The following RNF19A variants were observed in gnomAD, a reference collection of about 807,000 sequenced individuals.
The protein encoded by RNF19A is ring finger protein 19A, RBR E3 ubiquitin protein ligase.
Under a neutral mutation model 75.7 loss-of-function variants are expected in RNF19A, and 32 were observed. That is an observed-to-expected ratio of 0.42 (90% CI 0.32 to 0.57). The LOEUF (loss-of-function observed/expected upper bound fraction) is 0.57, where lower values mean the gene tolerates loss of function less well. Ranked by LOEUF, RNF19A falls within the 20% of genes least tolerant of loss-of-function variation. RNF19A has a pLI of 0.10. For missense variants in RNF19A, 782 were observed against 1,036.3 expected (o/e 0.75, Z 3.37); for synonymous variants, 335 against 345.2 (o/e 0.97, Z 0.33).
chr8:100,257,185 A>C lies in RNF19A; in HGVS notation c.*1371T>G, dbSNP rs2132465682. 6.5e-6 allele frequency: 1 copy of C among 152,786 alleles called. No individual in the cohort carries two copies. Among genetic ancestry groups the C allele is most frequent in the African/African-American group, 2.4e-5 (1 of 41,574 alleles). The allele number at this position is 152,786 out of a possible 1,614,324, so 9.5% of individuals were successfully genotyped here. A position where few individuals can be genotyped will look rare whatever the true frequency, so the allele number is the denominator to read the frequency against. ...ATTATCAAATAAAATAACTGGCACTAGTGTTATAAGCATATTAATGGACCT... is the reference window on the plus strand; with the variant it reads ...ATTATCAAATAAAATAACTGGCACTCGTGTTATAAGCATATTAATGGACCT... On this transcript the variant is annotated 3_prime_UTR_variant, in exon 10 of 10. Coordinates refer to ENST00000341084, the MANE Select transcript of RNF19A (RefSeq NM_183419.4).
Position 100,331,776 on chromosome 8 carries a change from T to A in RNF19A, c.-243+4332A>T, listed in dbSNP as rs1005475022. Reference sequence around the variant, plus strand: ...GCAGACAACTATTATCCGTTTCATATGTATTGATCAAAAGCAAGTCTGTGC... The same window carrying A: ...GCAGACAACTATTATCCGTTTCATAAGTATTGATCAAAAGCAAGTCTGTGC... On this transcript the variant is annotated intron_variant, in intron 1 of 3. Coordinates refer to the RNF19A transcript ENST00000519527. This position sits in a 1 kb window ranked among gnomAD's most constrained non-coding sequence, Gnocchi z 5.2. 1.3e-5 allele frequency among the ~76,000 whole-genome samples: 2 copies of A among 152,236 alleles called. No individual in the cohort carries two copies. The highest frequency in any genetic ancestry group is 2.9e-5 in the Non-Finnish European group (2 of 68,044).
At chr8:100,335,876 C>G (rs999804895) in intron 1 of RNF19A, among the ~76,000 whole-genome samples, 2 of 152,320 alleles carry the variant, frequency 1.3e-5, no homozygotes, top group Non-Finnish European at 2.9e-5. Flanking sequence ...CCCTCAGCCA[C>G]GGCTGATTGG....
chr8:100,262,199 TAAG>T (rs1347919754), intron 7 of RNF19A, among the ~76,000 whole-genome samples: 2 of 152,308 alleles, frequency 1.3e-5, no homozygotes, highest in East Asian at 1.9e-4. Flanking sequence ...CATTTTGTAT[TAAG>T]GAGTCACTTA....
In RNF19A at chr8:100,287,341, C is replaced by T. The variant is rs762010287; in HGVS notation, c.674+160G>A. 9.9e-5 allele frequency among the ~76,000 whole-genome samples: 15 copies of T among 152,130 alleles called. No individual in the cohort carries two copies. Among genetic ancestry groups the T allele is most frequent in the Non-Finnish European group, 1.8e-4 (12 of 68,024 alleles). On this transcript the variant is annotated intron_variant, in intron 2 of 9. Coordinates refer to ENST00000341084, the MANE Select transcript of RNF19A (RefSeq NM_183419.4). The surrounding 1 kb of genome is among the most constrained non-coding windows in gnomAD (Gnocchi z 4.1). ...AGAAATGAGTAAGATAGGATCACTGCCTTTAACACCTAGCATAGTGCCTGA... is the reference window on the plus strand; with the variant it reads ...AGAAATGAGTAAGATAGGATCACTGTCTTTAACACCTAGCATAGTGCCTGA...
Position 100,258,515 on chromosome 8 carries a change from C to G in RNF19A, c.*41G>C, listed in dbSNP as rs1216937887. 1.3e-6 allele frequency: 2 copies of G among 1,499,348 alleles called. No individual in the cohort carries two copies. The highest frequency in any genetic ancestry group is 2.6e-5 in the South Asian group (2 of 76,964). The allele number at this position is 1,499,348 out of a possible 1,614,324, so 92.9% of individuals were successfully genotyped here. On this transcript the variant is annotated 3_prime_UTR_variant, in exon 10 of 10. Coordinates refer to ENST00000341084, the MANE Select transcript of RNF19A (RefSeq NM_183419.4). The surrounding 1 kb of genome is among the most constrained non-coding windows in gnomAD (Gnocchi z 4.3). ...CACATGTAGTTCAACCAGCTCCAAA[C>G]ACGGTTGTACAGTGGTAATTATTCT...
At chr8:100,276,723 C>CAAAAAAAA (rs60419107) in intron 2 of RNF19A, among the ~76,000 whole-genome samples, 60 of 80,360 alleles carry the variant, frequency 7.5e-4, no homozygotes, top group East Asian at 1.0e-3. Context: ...ACCACTGTAC[C>CAAAAAAAA]AAAAAAAAAA....
intron 1 of RNF19A, among the ~76,000 whole-genome samples, chr8:100,299,763 T>G (rs191785714): frequency 1.9e-4 from 29 of 149,136 alleles, no homozygotes; most frequent in African/African-American, 6.7e-4. Context: ...TGTCTCAAAA[T>G]AAAAAAAAGA....
chr8:100,291,978 T>C (rs1202708844), intron 1 of RNF19A, among the ~76,000 whole-genome samples: 3 of 150,490 alleles, frequency 2.0e-5, no homozygotes, highest in African/African-American at 7.3e-5. Context: ...TTTTTTTTTT[T>C]TTTTTTTTTT....
chr8:100,272,586 A>G (rs141977642), intron 3 of RNF19A, among the ~76,000 whole-genome samples: 2 of 151,566 alleles, frequency 1.3e-5, no homozygotes, highest in East Asian at 3.9e-4. Context: ...CGCTCAGGCT[A>G]GCATGCAGTA....
At chr8:100,279,733 G>A (rs927151431) in intron 2 of RNF19A, among the ~76,000 whole-genome samples, 10 of 152,048 alleles carry the variant, frequency 6.6e-5, no homozygotes, top group Admixed American at 1.3e-4. Flanking sequence ...TGCCATGTTG[G>A]CTAGGCTTGT....
chr8:100,305,274 G>C (rs903216868), intron 1 of RNF19A, among the ~76,000 whole-genome samples: 1 of 152,200 alleles, frequency 6.6e-6, no homozygotes, highest in Non-Finnish European at 1.5e-5. Flanking sequence ...AAAACTGAGA[G>C]AAGACAGGTA....
chr8:100,293,843 A>G (rs1289067057), intron 1 of RNF19A, among the ~76,000 whole-genome samples: 3 of 152,114 alleles, frequency 2.0e-5, no homozygotes, highest in Non-Finnish European at 2.9e-5. Flanking sequence ...TTTATCTTCA[A>G]TTTAATCAAC....
intron 1 of RNF19A, among the ~76,000 whole-genome samples, chr8:100,326,365 C>G (rs1268848578): frequency 1.3e-5 from 2 of 152,134 alleles, no homozygotes; most frequent in Non-Finnish European, 2.9e-5. Context: ...CAGCGATTCC[C>G]AGCATTTTCC....
chr8:100,296,786 T>C (rs1821584905), intron 1 of RNF19A, among the ~76,000 whole-genome samples: 1 of 150,146 alleles, frequency 6.7e-6, no homozygotes, highest in African/African-American at 2.5e-5. Flanking sequence ...GTACCAATTA[T>C]AACCTCAGTT....
chr8:100,264,744 T>C lies in RNF19A; in HGVS notation c.1233A>G (p.Lys411=). The change falls in exon 6 of 10, where the codon AAA becomes AAG. Residue 411 remains lysine (K), a synonymous_variant. Coordinates refer to ENST00000341084, the MANE Select transcript of RNF19A (RefSeq NM_183419.4). This position sits in a 1 kb window ranked among gnomAD's most constrained non-coding sequence, Gnocchi z 4.7. Reference sequence around the variant, plus strand: ...CACCACCTGCTATGGCCAAATTCCGTTTGTGCTTTGAAACATCCTTGCCTT... The same window carrying C: ...CACCACCTGCTATGGCCAAATTCCGCTTGTGCTTTGAAACATCCTTGCCTT... ...RYEGKDVSKH[K]RNLAIAGGVT... The C allele has an allele frequency of 6.2e-7, 1 of 1,613,712 alleles. No individual in the cohort carries two copies. The highest frequency in any genetic ancestry group is 8.5e-7 in the Non-Finnish European group (1 of 1,179,678).
intron 1 of RNF19A, among the ~76,000 whole-genome samples, chr8:100,288,546 C>T (rs1227124718): frequency 1.3e-5 from 2 of 152,146 alleles, no homozygotes; most frequent in Admixed American, 6.5e-5. Context: ...TTTCTCACTG[C>T]CTTTAGCAGG....
At chr8:100,304,153 G>A (rs1821966912) in intron 1 of RNF19A, among the ~76,000 whole-genome samples, 1 of 151,960 alleles carries the variant, frequency 6.6e-6, no homozygotes, top group African/African-American at 2.4e-5. Flanking sequence ...GTAGAGACAG[G>A]GTTTCACCAT....
intron 2 of RNF19A, among the ~76,000 whole-genome samples, chr8:100,281,320 ATT>A: frequency 6.6e-6 from 1 of 152,278 alleles, no homozygotes; most frequent in South Asian, 2.1e-4. Context: ...GCCAAGTAAA[ATT>A]AAAGTGGTTT....
chr8:100,282,346 A>G (rs1419529132), intron 2 of RNF19A, among the ~76,000 whole-genome samples: 1 of 152,206 alleles, frequency 6.6e-6, no homozygotes, highest in East Asian at 1.9e-4. Flanking sequence ...TGAAATGCTT[A>G]AAGTTTATTA....
Sources: gnomAD v4.1 joint callset for allele counts (sites outside exome capture counted in the v4.1 genomes callset) on GRCh38, gnomAD v4.1.1 for gene constraint, Gnocchi (gnomAD v3.1) non-coding constraint, MANE v1.5 for transcripts, NCBI Gene and HGNC (gene_info 2026-07-23, HGNC 2026-07-21) for gene names.